XNDC1N: variants seen among roughly 807,000 people sequenced by gnomAD.
XNDC1N encodes XRCC1 N-terminal domain containing 1, N-terminal like, also known as protein XNDC1N.
At chr11:71,892,097 G>A in the XNDC1N span, among the ~76,000 whole-genome samples, 1 of 151,958 alleles carries the variant, frequency 6.6e-6, no homozygotes, top group Non-Finnish European at 1.5e-5. Context: ...CCTCTCCCCC[G>A]CTGGATATTA....
chr11:71,910,070 C>A, the XNDC1N span, among the ~76,000 whole-genome samples: 1 of 151,798 alleles, frequency 6.6e-6, no homozygotes, highest in Non-Finnish European at 1.5e-5. Flanking sequence ...AGGACCCGGT[C>A]CCCAGAGAAG....
At chr11:71,911,780 T>C in the XNDC1N span, among the ~76,000 whole-genome samples, 5 of 152,344 alleles carry the variant, frequency 3.3e-5, no homozygotes, top group African/African-American at 1.2e-4. Context: ...GTGGCAGTTA[T>C]GCATTGCAGG....
At chr11:71,901,089 G>A in the XNDC1N span, among the ~76,000 whole-genome samples, 3 of 152,164 alleles carry the variant, frequency 2.0e-5, no homozygotes, top group Non-Finnish European at 2.9e-5. Context: ...GGAAAGGACA[G>A]CTGAGATCAC....
chr11:71,877,843 G>T, the XNDC1N span, among the ~76,000 whole-genome samples: 1 of 152,108 alleles, frequency 6.6e-6, no homozygotes, highest in Non-Finnish European at 1.5e-5. Context: ...GGTTCCCTAA[G>T]GCCCACTCTT....
the XNDC1N span, chr11:71,904,029 G>C: frequency 9.6e-4 from 503 of 522,882 alleles, 2 homozygotes; most frequent in East Asian, 0.021. Flanking sequence ...TGATGTACAC[G>C]GTGGTCACCC....
chr11:71,872,085 A>G, the XNDC1N span, among the ~76,000 whole-genome samples: 1 of 152,224 alleles, frequency 6.6e-6, no homozygotes, highest in South Asian at 2.1e-4. Flanking sequence ...ATTTCATAAT[A>G]AAAAAGAACA....
chr11:71,878,375 T>TTC, the XNDC1N span: 33 of 1,538,650 alleles, frequency 2.1e-5, no homozygotes, highest in Non-Finnish European at 2.5e-5. Flanking sequence ...AACTCACCTC[T>TTC]TCAGAGGACT....
the XNDC1N span, among the ~76,000 whole-genome samples, chr11:71,879,999 G>A: frequency 2.0e-5 from 3 of 151,982 alleles, no homozygotes; most frequent in Non-Finnish European, 4.4e-5. Context: ...CACTCTAAAG[G>A]AATGAATTTT....
At chr11:71,869,802 A>G in the XNDC1N span, among the ~76,000 whole-genome samples, 2 of 152,180 alleles carry the variant, frequency 1.3e-5, no homozygotes, top group Non-Finnish European at 2.9e-5. Flanking sequence ...CTTGAAGGTA[A>G]GAAGACACTC....
At chr11:71,903,303 C>T in the XNDC1N span, 8 of 1,396,320 alleles carry the variant, frequency 5.7e-6, no homozygotes, top group African/African-American at 1.4e-5. Flanking sequence ...TGCCTGGTCA[C>T]GGTGCTGGAG....
the XNDC1N span, among the ~76,000 whole-genome samples, chr11:71,911,552 C>T: frequency 3.9e-5 from 6 of 152,168 alleles, no homozygotes; most frequent in African/African-American, 1.2e-4. Context: ...CAGGCCACTT[C>T]AGGCCAGAAA....
chr11:71,895,474 T>A, the XNDC1N span, among the ~76,000 whole-genome samples: 1 of 89,324 alleles, frequency 1.1e-5, no homozygotes, highest in African/African-American at 5.4e-5. Flanking sequence ...CATGCCTGGC[T>A]ATTTTTTTTT....
the XNDC1N span, among the ~76,000 whole-genome samples, chr11:71,924,610 G>A: frequency 6.6e-6 from 1 of 152,052 alleles, no homozygotes; most frequent in African/African-American, 2.4e-5. Context: ...CCCGGGAGGT[G>A]GAGCTTGCAG....
chr11:71,898,264 A>T, the XNDC1N span, among the ~76,000 whole-genome samples: 1 of 152,060 alleles, frequency 6.6e-6, no homozygotes, highest in Non-Finnish European at 1.5e-5. Context: ...AGGCCGCAAC[A>T]TGGATGAACC....
the XNDC1N span, chr11:71,919,155 T>C: frequency 4.0e-5 from 25 of 622,682 alleles, no homozygotes; most frequent in Non-Finnish European, 6.6e-5. Flanking sequence ...AGGCACCAGA[T>C]GGGAGGCCAT....
At chr11:71,874,902 A>G in the XNDC1N span, among the ~76,000 whole-genome samples, 1 of 152,154 alleles carries the variant, frequency 6.6e-6, no homozygotes, top group Non-Finnish European at 1.5e-5. Flanking sequence ...CTATACTGGA[A>G]AATAGTGTAT....
At chr11:71,909,073 C>T in the XNDC1N span, among the ~76,000 whole-genome samples, 1 of 152,056 alleles carries the variant, frequency 6.6e-6, no homozygotes, top group Non-Finnish European at 1.5e-5. Flanking sequence ...ATGTATACTC[C>T]CTGTGATCCC....
chr11:71,925,440 C>A, the XNDC1N span, among the ~76,000 whole-genome samples: 3 of 152,108 alleles, frequency 2.0e-5, no homozygotes, highest in African/African-American at 7.2e-5. Context: ...ATCTAAACAT[C>A]AAGCAGTCCT....
the XNDC1N span, among the ~76,000 whole-genome samples, chr11:71,908,253 T>C: frequency 6.6e-6 from 1 of 151,948 alleles, no homozygotes; most frequent in African/African-American, 2.4e-5. Context: ...TATTAATAAT[T>C]ATTAGGAGCT....
Sources: allele counts gnomAD v4.1 joint callset (sites outside exome capture counted in the v4.1 genomes callset), GRCh38; gene constraint gnomAD v4.1.1; transcripts MANE v1.5; gene names NCBI Gene and HGNC (gene_info 2026-07-23, HGNC 2026-07-21).